The following IPPK variants were observed in gnomAD, a reference collection of about 807,000 sequenced individuals.
IPPK encodes the protein inositol-pentakisphosphate 2-kinase.
A neutral mutation model predicts 64.6 loss-of-function variants in IPPK; 22 were observed. That is an observed-to-expected ratio of 0.34 (90% CI 0.24 to 0.49). The LOEUF is 0.49. Ranked by LOEUF, IPPK falls within the 20% of genes least tolerant of loss-of-function variation. The probability of loss-of-function intolerance (pLI) is 0.99; values close to 1 mark genes in which losing one functional copy is unlikely to be tolerated. For missense variants in IPPK, 532 were observed against 630.7 expected (o/e 0.84, Z 1.68); for synonymous variants, 262 against 247.2 (o/e 1.06, Z -0.56).
chr9:92,625,467 A>C (rs1464964257), intron 11 of IPPK, among the ~76,000 whole-genome samples: 2 of 152,214 alleles, frequency 1.3e-5, no homozygotes, highest in African/African-American at 4.8e-5. Context: ...CAACAAATTA[A>C]TACCCAAGTA....
intron 4 of IPPK, among the ~76,000 whole-genome samples, chr9:92,651,872 C>G (rs1052717712): frequency 1.3e-5 from 2 of 152,052 alleles, no homozygotes; most frequent in African/African-American, 4.8e-5. Context: ...CCCGCCACTA[C>G]GCCCAGCTAA....
intron 2 of IPPK, 71 bp downstream of exon 2, chr9:92,658,563 A>T: frequency 7.8e-7 from 1 of 1,275,688 alleles, no homozygotes; most frequent in Non-Finnish European, 1.1e-6. Context: ...CAATGTTTCT[A>T]CATCGGAAAA....
chr9:92,650,459 G>A (rs954053266), intron 4 of IPPK, among the ~76,000 whole-genome samples: 4 of 152,104 alleles, frequency 2.6e-5, no homozygotes, highest in Admixed American at 6.5e-5. Context: ...CAGCCATGTC[G>A]ATGTGCCTGA....
chr9:92,661,869 G>A (rs1470941676), intron 1 of IPPK, among the ~76,000 whole-genome samples: 1 of 152,248 alleles, frequency 6.6e-6, no homozygotes, highest in Non-Finnish European at 1.5e-5. Flanking sequence ...CGAGGTGGGT[G>A]GTCCCCAAGA....
chr9:92,631,805 G>A (rs1266318002), intron 11 of IPPK, among the ~76,000 whole-genome samples: 3 of 152,320 alleles, frequency 2.0e-5, no homozygotes, highest in Admixed American at 6.5e-5. Flanking sequence ...GTGATCACAC[G>A]TAGGTTCATG....
In IPPK at chr9:92,615,774, T is replaced by C; in HGVS notation, c.*58A>G. The stretch of plus-strand genomic sequence containing the variant: ...AGGTCACCCAACACAACAGAAAATA[T>C]CTCTATCATTCAGCCTTCACATTAT... On this transcript the variant is annotated 3_prime_UTR_variant, in exon 13 of 13. Transcript: ENST00000287996. 7.3e-7 allele frequency: 1 copy of C among 1,376,406 alleles called. No homozygotes were observed. Among genetic ancestry groups the C allele is most frequent in the Non-Finnish European group, 1.0e-6 (1 of 970,242 alleles). 85.3% of individuals were successfully genotyped at this position (1,376,406 alleles called of 1,614,324 possible).
chr9:92,665,717 T>C (rs1852581183), intron 1 of IPPK, among the ~76,000 whole-genome samples: 1 of 152,202 alleles, frequency 6.6e-6, no homozygotes, highest in Non-Finnish European at 1.5e-5. Flanking sequence ...CTGCTTTTTC[T>C]ACGTAACTGT....
In IPPK at chr9:92,647,527, A is replaced by G. The variant is rs1346864095; in HGVS notation, c.504+532T>C. 2.0e-5 allele frequency among the ~76,000 whole-genome samples: 3 copies of G among 152,182 alleles called. No individual in the cohort carries two copies. The East Asian group carries it at 5.8e-4, about 29-fold the overall frequency. ...AAAAAACTAGCAAACTGAATTCAGC[A>G]GCATATAAAAGTATTATACACCATG... On this transcript the variant is annotated intron_variant, in intron 6 of 12. Coordinates refer to ENST00000287996, the MANE Select transcript of IPPK (RefSeq NM_022755.6).
Position 92,634,468 on chromosome 9 carries a change from C to A in IPPK, c.1088G>T (p.Gly363Val). 1 of 1,613,654 alleles carries A rather than the reference C, an allele frequency of 6.2e-7. No homozygotes were observed. The highest frequency in any genetic ancestry group is 8.5e-7 in the Non-Finnish European group (1 of 1,179,606). Residue 363 changes from glycine (G) to valine (V), a missense_variant, in exon 11 of 13, where the codon GGG becomes GTG. Coordinates refer to ENST00000287996, the MANE Select transcript of IPPK (RefSeq NM_022755.6). ...PEERKTLQID[G>V]PYDEAFYQKL... ...CTGGTAAAATGCTTCATCATAAGGCCCATCTATTTGTAAGGTTTTTCTGAA... is the reference window on the plus strand; with the variant it reads ...CTGGTAAAATGCTTCATCATAAGGCACATCTATTTGTAAGGTTTTTCTGAA...
Position 92,670,035 on chromosome 9 carries a change from G to T in IPPK, c.-47C>A, listed in dbSNP as rs753957808. ...CTCGCGGGCTAGGACTCGGGGACGC[G>T]AGCTGGGGGCCGCCCGCCTCGCTGG... On this transcript the variant is annotated 5_prime_UTR_variant, in exon 1 of 13. Transcript: ENST00000287996. The T allele has an allele frequency of 4.9e-6, 7 of 1,425,634 alleles. No homozygotes were observed. The highest frequency in any genetic ancestry group is 2.5e-5 in the South Asian group (2 of 81,522). The allele number at this position is 1,425,634 out of a possible 1,614,324, so 88.3% of individuals were successfully genotyped here. A position where few individuals can be genotyped will look rare whatever the true frequency, so the allele number is the denominator to read the frequency against.
chr9:92,662,232 G>T (rs2131463494), intron 1 of IPPK, among the ~76,000 whole-genome samples: 1 of 152,276 alleles, frequency 6.6e-6, no homozygotes, highest in East Asian at 1.9e-4. Context: ...AATGTTAAAA[G>T]TGAAGAAAAA....
chr9:92,623,766 T>A (rs920619762), intron 11 of IPPK, among the ~76,000 whole-genome samples: 4 of 152,134 alleles, frequency 2.6e-5, no homozygotes, highest in African/African-American at 9.7e-5. Flanking sequence ...TCCTAACCGG[T>A]TGCAGGGAAC....
intron 11 of IPPK, among the ~76,000 whole-genome samples, chr9:92,627,601 C>A (rs537359054): frequency 6.6e-6 from 1 of 152,212 alleles, no homozygotes; most frequent in South Asian, 2.1e-4. Context: ...AGGACAAAAA[C>A]CACATGATAA....
At chr9:92,622,767 C>T (rs945710391) in intron 11 of IPPK, among the ~76,000 whole-genome samples, 25 of 151,998 alleles carry the variant, frequency 1.6e-4, no homozygotes, top group South Asian at 4.2e-4. Flanking sequence ...GCTTTTCCTG[C>T]AGAACTGAGT....
intron 4 of IPPK, among the ~76,000 whole-genome samples, chr9:92,651,766 A>C (rs1246565313): frequency 6.6e-6 from 1 of 152,192 alleles, no homozygotes; most frequent in Admixed American, 6.5e-5. Context: ...CTGGGGTTGG[A>C]GTACAGTGGC....
chr9:92,627,781 C>T (rs1003672060), intron 11 of IPPK, among the ~76,000 whole-genome samples: 2 of 152,108 alleles, frequency 1.3e-5, no homozygotes, highest in African/African-American at 4.8e-5. Flanking sequence ...CCCATAAGAC[C>T]AAGAACAAAT....
intron 9 of IPPK, 118 bp downstream of exon 9, chr9:92,637,883 G>T (rs1385915204): frequency 2.0e-5 from 23 of 1,127,994 alleles, no homozygotes; most frequent in Admixed American, 1.5e-4. Context: ...GGCGTAACCA[G>T]GTGGCATCCC....
intron 11 of IPPK, among the ~76,000 whole-genome samples, chr9:92,621,002 A>G: frequency 6.6e-6 from 1 of 152,222 alleles, no homozygotes; most frequent in Non-Finnish European, 1.5e-5. Flanking sequence ...GCGCCAGCAG[A>G]TCTGCTATCT....
intron 12 of IPPK, 89 bp from the exon 13 acceptor site, chr9:92,616,146 G>A (rs1564024574): frequency 1.1e-6 from 1 of 879,378 alleles, no homozygotes; most frequent in African/African-American, 1.7e-5. Context: ...CTTTCAACTA[G>A]TATGTTTTTA....
Sources: gnomAD v4.1 joint callset for allele counts (sites outside exome capture counted in the v4.1 genomes callset) on GRCh38, gnomAD v4.1.1 for gene constraint, MANE v1.5 for transcripts, NCBI Gene and HGNC (gene_info 2026-07-23, HGNC 2026-07-21) for gene names.